Variants in RALGPS2 observed in about 807,000 individuals in gnomAD.
RALGPS2 encodes the protein ras-specific guanine nucleotide-releasing factor RalGPS2.
Under a neutral mutation model 86.8 loss-of-function variants are expected in RALGPS2, and 43 were observed. That is an observed-to-expected ratio of 0.50 (90% CI 0.39 to 0.64). The LOEUF (loss-of-function observed/expected upper bound fraction) is 0.64, where lower values mean the gene tolerates loss of function less well. Ranked by LOEUF, RALGPS2 falls within the 30% of genes least tolerant of loss-of-function variation. The probability of loss-of-function intolerance (pLI) is 0.00; values close to 1 mark genes in which losing one functional copy is unlikely to be tolerated. For synonymous variants in RALGPS2, 243 were observed against 231.3 expected (o/e 1.05, Z -0.46); for missense variants, 536 against 694.6 (o/e 0.77, Z 2.57).
At chr1:178,885,658 G>A (rs1659449840) in intron 12 of RALGPS2, 2 of 215,988 alleles carry the variant, frequency 9.3e-6, no homozygotes, top group Non-Finnish European at 1.8e-5. Context: ...TTCAAAATGG[G>A]GACACATGTT....
intron 1 of RALGPS2, among the ~76,000 whole-genome samples, chr1:178,737,780 G>A (rs1650802217): frequency 6.6e-6 from 1 of 151,962 alleles, no homozygotes; most frequent in African/African-American, 2.4e-5. Context: ...TGACATTAAT[G>A]ATTTTTTTTC....
chr1:178,890,255 G>A (rs1271216635), intron 14 of RALGPS2, among the ~76,000 whole-genome samples: 1 of 151,876 alleles, frequency 6.6e-6, no homozygotes, highest in Non-Finnish European at 1.5e-5. Flanking sequence ...TCATCTGCCT[G>A]TAGCAAATAT....
intron 4 of RALGPS2, among the ~76,000 whole-genome samples, chr1:178,801,502 T>C (rs1246809258): frequency 6.6e-6 from 1 of 152,072 alleles, no homozygotes; most frequent in East Asian, 1.9e-4. Flanking sequence ...CAGACAAAAG[T>C]ATGGTGGATT....
At chr1:178,794,269 A>G (rs1402665862) in intron 4 of RALGPS2, among the ~76,000 whole-genome samples, 1 of 152,080 alleles carries the variant, frequency 6.6e-6, no homozygotes, top group Non-Finnish European at 1.5e-5. Context: ...GGCGCATGCC[A>G]CCACACCCAG....
At chr1:178,827,916 A>G (rs1430499045) in intron 7 of RALGPS2, among the ~76,000 whole-genome samples, 1 of 152,204 alleles carries the variant, frequency 6.6e-6, no homozygotes, top group East Asian at 1.9e-4. Context: ...TCCGCATGCA[A>G]AAGAATGAAA....
Position 178,826,174 on chromosome 1 carries a change from A to G in RALGPS2, c.480+4470A>G, listed in dbSNP as rs185927272. Among the ~76,000 whole-genome samples, 13 of 152,282 alleles carry G rather than the reference A, an allele frequency of 8.5e-5. No individual in the cohort carries two copies. The South Asian group carries it at 1.0e-3, about 12-fold the overall frequency. ...GACAACAACATTCTATGTAGGGAAA[A>G]TATTAAGAGCATCAAGGAAAAGGAT... On this transcript the variant is annotated intron_variant, in intron 7 of 19. Transcript: ENST00000367635.
intron 8 of RALGPS2, among the ~76,000 whole-genome samples, chr1:178,840,950 G>C (rs1172220520): frequency 1.3e-5 from 2 of 151,370 alleles, no homozygotes; most frequent in Admixed American, 1.3e-4. Flanking sequence ...ACTAAACCAG[G>C]AAGAAGTTGA....
chr1:178,872,114 G>A (rs1263240425), intron 8 of RALGPS2, among the ~76,000 whole-genome samples: 1 of 152,134 alleles, frequency 6.6e-6, no homozygotes, highest in African/African-American at 2.4e-5. Flanking sequence ...GTTGCTGTAA[G>A]CTGCTTCTAG....
Position 178,863,397 on chromosome 1 carries a change from T to C in RALGPS2, c.608-14101T>C, listed in dbSNP as rs536398440. ...CAGCAAGGAGACAGACATAAATAAA[T>C]AACTTCAGTGTAATATCATATAGAA... On this transcript the variant is annotated intron_variant, in intron 8 of 19. Coordinates refer to ENST00000367635, the MANE Select transcript of RALGPS2 (RefSeq NM_152663.5). Among the ~76,000 whole-genome samples, 235 of 152,212 alleles carry C rather than the reference T, an allele frequency of 1.5e-3. 1 individual carries two copies. Among genetic ancestry groups the C allele is most frequent in the South Asian group, 6.8e-3 (33 of 4,822 alleles).
chr1:178,893,302 T>C (rs1466102020), intron 15 of RALGPS2, among the ~76,000 whole-genome samples: 1 of 151,862 alleles, frequency 6.6e-6, no homozygotes, highest in Non-Finnish European at 1.5e-5. Flanking sequence ...GGTTTTTTCC[T>C]TTCGTGGAGA....
At chr1:178,840,539 A>C (rs1013488254) in intron 8 of RALGPS2, among the ~76,000 whole-genome samples, 1 of 152,332 alleles carries the variant, frequency 6.6e-6, no homozygotes, top group African/African-American at 2.4e-5. Flanking sequence ...AATGCCCACA[A>C]GAGAAAGCAG....
chr1:178,743,662 G>A (rs1198991357), intron 1 of RALGPS2, among the ~76,000 whole-genome samples: 39 of 152,186 alleles, frequency 2.6e-4, no homozygotes. Flanking sequence ...AAAGACAGAA[G>A]TGACATCATT....
chr1:178,810,318 C>A (rs1265027586), intron 5 of RALGPS2, among the ~76,000 whole-genome samples: 2 of 151,970 alleles, frequency 1.3e-5, no homozygotes, highest in Non-Finnish European at 2.9e-5. Flanking sequence ...GCCTGGGAGG[C>A]AGAGGTTGCA....
chr1:178,892,311 C>A lies in RALGPS2; in HGVS notation c.1325+4C>A. On this transcript the variant is annotated splice_donor_region_variant and intron_variant, in intron 15 of 19. Coordinates refer to ENST00000367635, the MANE Select transcript of RALGPS2 (RefSeq NM_152663.5). Reference sequence around the variant, plus strand: ...GAAGTCACATGAAGGCCAGCAGGTACAATTCCCCTGCATTCAGGGGTCACA... The same window carrying A: ...GAAGTCACATGAAGGCCAGCAGGTAAAATTCCCCTGCATTCAGGGGTCACA... 7 of 1,611,710 alleles carry A rather than the reference C, an allele frequency of 4.3e-6. No individual in the cohort carries two copies. Among genetic ancestry groups the A allele is most frequent in the Non-Finnish European group, 5.9e-6 (7 of 1,178,336 alleles).
intron 6 of RALGPS2, among the ~76,000 whole-genome samples, chr1:178,812,149 C>T (rs946629455): frequency 2.6e-5 from 4 of 151,796 alleles, no homozygotes; most frequent in Non-Finnish European, 4.4e-5. Context: ...AAAGCAGGGC[C>T]AAATGGTTGA....
chr1:178,844,280 A>T (rs1021357170), intron 8 of RALGPS2, among the ~76,000 whole-genome samples: 2 of 152,180 alleles, frequency 1.3e-5, no homozygotes, highest in Admixed American at 6.5e-5. Flanking sequence ...ACCGCTAATG[A>T]TTTCTTAACA....
intron 4 of RALGPS2, among the ~76,000 whole-genome samples, chr1:178,790,625 C>T (rs975829890): frequency 6.6e-6 from 1 of 152,120 alleles, no homozygotes; most frequent in Non-Finnish European, 1.5e-5. Context: ...TTCTTGTCTT[C>T]GTAGCATGCT....
In RALGPS2 at chr1:178,916,374, A is replaced by C. The variant is rs1660816823; in HGVS notation, c.*15A>C. Reference sequence around the variant, plus strand: ...CTTTTGAGTAGAAGCCTGAGAAAAAAAGAGAGGTGAACTGTTGCTTCTACG... The same window carrying C: ...CTTTTGAGTAGAAGCCTGAGAAAAACAGAGAGGTGAACTGTTGCTTCTACG... On this transcript the variant is annotated 3_prime_UTR_variant, in exon 20 of 20. Transcript: ENST00000367635. 6.3e-7 allele frequency: 1 copy of C among 1,595,322 alleles called. No individual in the cohort carries two copies.
chr1:178,840,359 G>A lies in RALGPS2; in HGVS notation c.607+6809G>A, dbSNP rs186307209. On this transcript the variant is annotated intron_variant, in intron 8 of 19. Transcript: ENST00000367635. ...AGGATTAAGAAACTCACTCAAAATC[G>A]CTCAACTACATGGAAACTGAACAAC... is the stretch of plus-strand genomic sequence containing the variant. Among the ~76,000 whole-genome samples, 907 of 152,216 alleles carry A rather than the reference G, an allele frequency of 6.0e-3. 14 individuals are homozygous for A. Among genetic ancestry groups the A allele is most frequent in the African/African-American group, 0.021 (878 of 41,532 alleles).
Sources: gnomAD v4.1 joint callset for allele counts (sites outside exome capture counted in the v4.1 genomes callset) on GRCh38, gnomAD v4.1.1 for gene constraint, MANE v1.5 for transcripts, NCBI Gene and HGNC (gene_info 2026-07-23, HGNC 2026-07-21) for gene names.